Variants in TMEM165 observed in about 807,000 individuals in gnomAD.
The protein encoded by TMEM165 is transmembrane protein 165, also known as putative divalent cation/proton antiporter TMEM165.
A neutral mutation model predicts 30.0 loss-of-function variants in TMEM165; 19 were observed. That is an observed-to-expected ratio of 0.63 (90% CI 0.44 to 0.93). The LOEUF (loss-of-function observed/expected upper bound fraction) is 0.93, where lower values mean the gene tolerates loss of function less well. Among genes scored for constraint, TMEM165 ranks in the 40% least tolerant of loss-of-function variants. The pLI is 0.00. For synonymous variants in TMEM165, 168 were observed against 162.9 expected (o/e 1.03, Z -0.24); for missense variants, 340 against 417.0 (o/e 0.82, Z 1.61).
At chr4:55,412,948 A>G (rs891977759) in intron 2 of TMEM165, among the ~76,000 whole-genome samples, 1 of 151,958 alleles carries the variant, frequency 6.6e-6, no homozygotes, top group Non-Finnish European at 1.5e-5. Flanking sequence ...ACATCTCTTA[A>G]TGAGATGATA....
In TMEM165 at chr4:55,396,140, G is replaced by T; in HGVS notation, c.-50G>T. ...CTGTTCGGGGTCGAGGCTTCCCGTC[G>T]CCGGCACTTCCTCTTGCGGCGCCCG... is the stretch of plus-strand genomic sequence containing the variant. On this transcript the variant is annotated 5_prime_UTR_variant, in exon 1 of 6. Coordinates refer to ENST00000381334, the MANE Select transcript of TMEM165 (RefSeq NM_018475.5). 7.6e-7 allele frequency: 1 copy of T among 1,316,410 alleles called. No individual in the cohort carries two copies. The allele number at this position is 1,316,410 out of a possible 1,614,324, so 81.5% of individuals were successfully genotyped here.
chr4:55,412,744 A>G (rs1416033203), intron 2 of TMEM165: 1 of 152,094 alleles, frequency 6.6e-6, no homozygotes, highest in Non-Finnish European at 1.5e-5. Flanking sequence ...CTAAAGAAAT[A>G]TATATATGGA....
chr4:55,450,346 G>T (rs1724318756), intron 3 of TMEM165: 3 of 1,121,002 alleles, frequency 2.7e-6, no homozygotes, highest in Non-Finnish European at 4.0e-6. Context: ...CAAGGCAAAA[G>T]TACCTGTATG....
In TMEM165 at chr4:55,411,810, T is replaced by C; in HGVS notation, c.404T>C (p.Leu135Pro). Residue 135 changes from leucine to proline, a missense_variant, in exon 2 of 6, where the codon CTT becomes CCT. Leu to Pro is a moderately conservative substitution (Grantham distance 98, BLOSUM62 -3). Around this residue, in one of 2 missense-constraint regions of TMEM165, gnomAD observed 220 missense variants for 307.6 expected, o/e 0.72. Transcript: ENST00000381334. Reference protein sequence around the residue: ...NRLTVLAGAMLALGLMTCLSV... With the variant: ...NRLTVLAGAMPALGLMTCLSV... ...CTGACCGTGCTGGCTGGTGCAATGCTTGCCTTGGGACTAATGACATGCTTG... is the reference window on the plus strand; with the variant it reads ...CTGACCGTGCTGGCTGGTGCAATGCCTGCCTTGGGACTAATGACATGCTTG... The C allele has an allele frequency of 6.2e-7, 1 of 1,614,226 alleles. No homozygotes were observed. The highest frequency in any genetic ancestry group is 8.5e-7 in the Non-Finnish European group (1 of 1,180,036).
chr4:55,403,498 CTT>C (rs71194555), intron 1 of TMEM165, among the ~76,000 whole-genome samples: 17 of 133,830 alleles, frequency 1.3e-4, no homozygotes, highest in African/African-American at 3.5e-4. Flanking sequence ...TTTTCTTTTT[CTT>C]TTTTTTTTTT....
chr4:55,426,646 T>C (rs1722213805), downstream of TMEM165, among the ~76,000 whole-genome samples: 1 of 152,212 alleles, frequency 6.6e-6, no homozygotes, highest in Admixed American at 6.5e-5. Flanking sequence ...ATCCATGTTA[T>C]TTGTGTGAGG....
At chr4:55,449,461 G>T (rs1328418385) in intron 3 of TMEM165, 2 of 1,613,994 alleles carry the variant, frequency 1.2e-6, no homozygotes, top group Non-Finnish European at 1.7e-6. Flanking sequence ...TGCCTGGGTG[G>T]AGTGCTCGTA....
intron 3 of TMEM165, chr4:55,443,932 T>C (rs369643806): frequency 5.7e-6 from 9 of 1,580,090 alleles, no homozygotes; most frequent in Non-Finnish European, 7.8e-6. Context: ...ATGAGCTTTG[T>C]AGATTGAAAA....
intron 3 of TMEM165, 111 bp from the exon 4 acceptor site, chr4:55,417,692 T>C (rs1560395237): frequency 5.4e-6 from 5 of 919,860 alleles, no homozygotes; most frequent in Middle Eastern, 3.5e-4. Context: ...TAAATGTAGT[T>C]TTTTTGGAGC....
At chr4:55,403,999 TTAG>T (rs1011948424) in intron 1 of TMEM165, among the ~76,000 whole-genome samples, 7 of 151,924 alleles carry the variant, frequency 4.6e-5, no homozygotes, top group African/African-American at 1.7e-4. Flanking sequence ...AACTTGACTA[TTAG>T]TTTCGTTTTC....
At chr4:55,450,068 T>G (rs201313987) in intron 3 of TMEM165, 2 of 1,614,040 alleles carry the variant, frequency 1.2e-6, no homozygotes, top group Non-Finnish European at 1.7e-6. Context: ...AAAGGAAGTC[T>G]GCTTTGAAGC....
chr4:55,448,061 T>C (rs574759207), intron 3 of TMEM165, among the ~76,000 whole-genome samples: 1 of 152,308 alleles, frequency 6.6e-6, no homozygotes, highest in South Asian at 2.1e-4. Context: ...ACAATTCTCC[T>C]AGAAAGTTTT....
At chr4:55,448,010 A>G (rs992016187) in intron 3 of TMEM165, among the ~76,000 whole-genome samples, 3 of 151,866 alleles carry the variant, frequency 2.0e-5, no homozygotes, top group African/African-American at 2.4e-5. Flanking sequence ...TTTTTTGGCT[A>G]CTTTCCACAT....
intron 1 of TMEM165, among the ~76,000 whole-genome samples, chr4:55,404,382 T>G (rs1011982453): frequency 1.2e-4 from 18 of 152,140 alleles, no homozygotes; most frequent in Admixed American, 1.0e-3. Flanking sequence ...TCACTTTACT[T>G]TAGTATGTTG....
At chr4:55,427,847 G>A (rs1722296545), downstream of TMEM165, 1 of 152,120 alleles carries the variant, frequency 6.6e-6, no homozygotes, top group Non-Finnish European at 1.5e-5. Context: ...AAGCTATAAG[G>A]TAAAAATCGC....
Position 55,410,759 on chromosome 4 carries a change from G to A in TMEM165, c.208-855G>A, listed in dbSNP as rs563218082. On this transcript the variant is annotated intron_variant, in intron 1 of 5. Transcript: ENST00000381334. ...TCAAATGTTTTTTAAACATACCTGG[G>A]TCTTTCATGCAAGTTACTAATACAA... Among the ~76,000 whole-genome samples the A allele has an allele frequency of 5.6e-4, 86 of 152,252 alleles. 2 individuals carry two copies. The South Asian group carries it at 0.016, about 28-fold the overall frequency.
At chr4:55,404,956 A>AG (rs1721211418) in intron 1 of TMEM165, among the ~76,000 whole-genome samples, 1 of 152,176 alleles carries the variant, frequency 6.6e-6, no homozygotes, top group African/African-American at 2.4e-5. Flanking sequence ...GTCTGAAAAT[A>AG]TCTCGCATCT....
intron 3 of TMEM165, among the ~76,000 whole-genome samples, chr4:55,438,737 A>G (rs1337730263): frequency 6.6e-6 from 1 of 152,254 alleles, no homozygotes; most frequent in Non-Finnish European, 1.5e-5. Flanking sequence ...ATACAGCAAG[A>G]TCAATGTGTA....
At chr4:55,408,890 T>C (rs1369486382) in intron 1 of TMEM165, among the ~76,000 whole-genome samples, 2 of 151,648 alleles carry the variant, frequency 1.3e-5, no homozygotes, top group East Asian at 1.9e-4. Flanking sequence ...AGGAGGAAAA[T>C]GTGTCAGAGC....
Sources: gnomAD v4.1 joint callset for allele counts (sites outside exome capture counted in the v4.1 genomes callset) on GRCh38, gnomAD v4.1.1 for gene constraint, gnomAD v4.1.1 regional missense constraint, MANE v1.5 for transcripts, NCBI Gene and HGNC (gene_info 2026-07-23, HGNC 2026-07-21) for gene names.